DNAJC21: variants seen among roughly 807,000 people sequenced by gnomAD.
DNAJC21 encodes the protein DnaJ heat shock protein family (Hsp40) member C21.
DNAJC21 carries 63 observed loss-of-function variants against 72.4 expected under a neutral mutation model. The observed-to-expected ratio is 0.87, with a 90% CI of 0.71 to 1.07. The LOEUF (loss-of-function observed/expected upper bound fraction) is 1.07, where lower values mean the gene tolerates loss of function less well. DNAJC21 is among the 50% of genes least tolerant of loss of function. The probability of loss-of-function intolerance (pLI) is 0.00; values close to 1 mark genes in which losing one functional copy is unlikely to be tolerated. For synonymous variants in DNAJC21, 203 were observed against 216.7 expected, an observed-to-expected ratio of 0.94 and a Z score of 0.56; for missense variants, 634 against 644.8, an observed-to-expected ratio of 0.98 and a Z score of 0.18.
intron 2 of DNAJC21, 68 bp downstream of exon 2, chr5:34,933,976 G>A: frequency 2.8e-6 from 4 of 1,433,016 alleles, no homozygotes; most frequent in Non-Finnish European, 3.8e-6. Context: ...ATAGGTGGTT[G>A]TTTTTTCAAA....
chr5:34,940,876 C>G (rs1764963396), intron 6 of DNAJC21, among the ~76,000 whole-genome samples: 1 of 152,116 alleles, frequency 6.6e-6, no homozygotes, highest in African/African-American at 2.4e-5. Context: ...TGTTTTATAT[C>G]TTCTTCTAAG....
intron 7 of DNAJC21, among the ~76,000 whole-genome samples, chr5:34,943,152 GTATTTTTATCTAATT>G (rs1765054900): frequency 6.6e-6 from 1 of 151,958 alleles, no homozygotes; most frequent in Admixed American, 6.6e-5. Context: ...CATTGATATG[GTATTTTTATCTAATT>G]TACTACCTGC....
intron 4 of DNAJC21, among the ~76,000 whole-genome samples, chr5:34,936,652 C>T (rs1222134602): frequency 6.6e-6 from 1 of 152,198 alleles, no homozygotes; most frequent in South Asian, 2.1e-4. Context: ...GTTCTCGAAC[C>T]TATCCCATGA....
rs754533333 is a variant in DNAJC21 at position 34,941,102 on chromosome 5, A to G, written c.902A>G (p.Asp301Gly). The change falls in exon 7 of 12, where the codon GAC becomes GGC. Residue 301 changes from aspartate (D) to glycine (G), a missense_variant. Physicochemically the swap from Asp to Gly is moderately conservative, Grantham distance 94. Transcript: ENST00000648817. ...HELKDEEDGK[D>G]SDEAEDAELY... ...GTAGGCTTCCCTGTCATAGGTAAAGACAGTGATGAGGCCGAGGACGCTGAG... is the reference window on the plus strand; with the variant it reads ...GTAGGCTTCCCTGTCATAGGTAAAGGCAGTGATGAGGCCGAGGACGCTGAG... The G allele has an allele frequency of 6.2e-7, 1 of 1,613,732 alleles. No individual in the cohort carries two copies. The highest frequency in any genetic ancestry group is 2.2e-5 in the East Asian group (1 of 44,888).
intron 9 of DNAJC21, chr5:34,949,639 G>C: frequency 6.2e-7 from 1 of 1,612,044 alleles, no homozygotes; most frequent in South Asian, 1.1e-5. Context: ...TGGAGAGAGC[G>C]AGCACAAATG....
In DNAJC21 at chr5:34,954,598, C is replaced by T. The variant is rs141076061; in HGVS notation, c.1480C>T (p.Arg494Trp). 5.0e-6 allele frequency: 8 copies of T among 1,612,910 alleles called. No individual in the cohort carries two copies. In the African/African-American group the frequency reaches 5.3e-5, roughly 11 times the overall value. The change falls in exon 12 of 12, where the codon CGG (arginine) becomes TGG (tryptophan). Residue 494 changes from arginine (R) to tryptophan (W), a missense_variant. Arg to Trp is a moderately radical substitution (Grantham distance 101). Transcript: ENST00000648817. ...CTTCHSEFPS[R>W]NKLFDHLKAT... Reference sequence around the variant, plus strand: ...AACCTGCCATAGTGAATTTCCATCTCGGAATAAACTTTTTGACCATCTAAA... The same window carrying T: ...AACCTGCCATAGTGAATTTCCATCTTGGAATAAACTTTTTGACCATCTAAA...
rs954800512 is a variant in DNAJC21 at position 34,955,129 on chromosome 5, T to C, written c.*415T>C. 3 of 153,022 alleles carry C rather than the reference T, an allele frequency of 2.0e-5. No individual in the cohort carries two copies. Among genetic ancestry groups the C allele is most frequent in the African/African-American group, 7.2e-5 (3 of 41,462 alleles). The allele number at this position is 153,022 out of a possible 1,614,324, so 9.5% of individuals were successfully genotyped here. A position where few individuals can be genotyped will look rare whatever the true frequency, so the allele number is the denominator to read the frequency against. On this transcript the variant is annotated 3_prime_UTR_variant, in exon 12 of 12. Coordinates refer to ENST00000648817, the MANE Select transcript of DNAJC21 (RefSeq NM_001012339.3). ...CTTCATAATATGTGAAAAACTCGGA[T>C]CTTTTAAAAAGCATCATAGATCATT...
chr5:34,951,589 G>C, intron 10 of DNAJC21: 1 of 977,164 alleles, frequency 1.0e-6, no homozygotes, highest in Non-Finnish European at 1.2e-6. Context: ...GTACAGTGGC[G>C]CAACCTCGGC....
intron 10 of DNAJC21, chr5:34,952,124 T>TGTGC: frequency 3.2e-6 from 1 of 310,344 alleles, no homozygotes. Context: ...TTTTAAAAAA[T>TGTGC]GTGTGTGTGT....
chr5:34,929,649 C>G lies in DNAJC21; in HGVS notation c.-171C>G. ...GCCGCCACCGCGCGCCTTCACTGAC[C>G]TACACCACCGCCGCCGCCGCCGCCG... On this transcript the variant is annotated 5_prime_UTR_variant, in exon 1 of 12. Transcript: ENST00000648817. 1 of 164,786 alleles carries G rather than the reference C, an allele frequency of 6.1e-6. No individual in the cohort carries two copies. The highest frequency in any genetic ancestry group is 1.2e-5 in the Non-Finnish European group (1 of 80,316). 10.2% of individuals were successfully genotyped at this position (164,786 alleles called of 1,614,324 possible). A position where few individuals can be genotyped will look rare whatever the true frequency, so the allele number is the denominator to read the frequency against.
chr5:34,945,794 A>G lies in DNAJC21; in HGVS notation c.1176A>G (p.Lys392=). 1 of 1,590,012 alleles carries G rather than the reference A, an allele frequency of 6.3e-7. No individual in the cohort carries two copies. Among genetic ancestry groups the G allele is most frequent in the Non-Finnish European group, 8.5e-7 (1 of 1,170,984 alleles). The part of the protein sequence containing the change: ...LSKKQKKKKQ[K]PAQNYDDNFN... Reference sequence around the variant, plus strand: ...AAAAACAGAAGAAAAAGAAACAGAAACCAGCACAGGTATGTTAGAAAGGTT... The same window carrying G: ...AAAAACAGAAGAAAAAGAAACAGAAGCCAGCACAGGTATGTTAGAAAGGTT... Residue 392 remains lysine (K), a synonymous_variant, in exon 9 of 12, where the codon AAA becomes AAG. Transcript: ENST00000648817.
rs1764682827 is a variant in DNAJC21, at chr5:34,933,906, A to G, written c.189A>G (p.Ala63=). 5.0e-6 allele frequency: 8 copies of G among 1,613,410 alleles called. No homozygotes were observed. The highest frequency in any genetic ancestry group is 1.3e-5 in the African/African-American group (1 of 74,908). The change falls in exon 2 of 12, where the codon GCA becomes GCG. Residue 63 remains alanine, a splice_region_variant and synonymous_variant. Coordinates refer to ENST00000648817, the MANE Select transcript of DNAJC21 (RefSeq NM_001012339.3). The part of the protein sequence containing the change: ...YDVLSDPQER[A]WYDNHREALL... ...TGTTGAGTGACCCTCAGGAAAGAGC[A>G]TGGTGAGCATCACGCTGTCCTTCCC...
chr5:34,947,011 T>C (rs776913586), intron 9 of DNAJC21, among the ~76,000 whole-genome samples: 10 of 152,192 alleles, frequency 6.6e-5, no homozygotes, highest in Non-Finnish European at 1.0e-4. Context: ...ACACTTTTCC[T>C]GATATTTTCT....
chr5:34,950,496 T>G lies in DNAJC21; in HGVS notation c.1358+154T>G, dbSNP rs1000948707. 1.2e-5 allele frequency: 16 copies of G among 1,337,538 alleles called. No homozygotes were observed. In the African/African-American group the frequency reaches 1.9e-4, roughly 16 times the overall value. The allele number at this position is 1,337,538 out of a possible 1,614,324, so 82.9% of individuals were successfully genotyped here. ...ATGTATAGATACACACACACATATGTATACAGATGAAGAGCGTTGAGAAGA... is the reference window on the plus strand; with the variant it reads ...ATGTATAGATACACACACACATATGGATACAGATGAAGAGCGTTGAGAAGA... On this transcript the variant is annotated intron_variant, in intron 10 of 11. Coordinates refer to ENST00000648817, the MANE Select transcript of DNAJC21 (RefSeq NM_001012339.3).
At chr5:34,943,238 G>GT (rs1765058490) in intron 7 of DNAJC21, among the ~76,000 whole-genome samples, 1 of 152,180 alleles carries the variant, frequency 6.6e-6, no homozygotes, top group Non-Finnish European at 1.5e-5. Context: ...ACAGAATGCA[G>GT]TCTAAGAACA....
chr5:34,929,997 C>T, intron 1 of DNAJC21, 81 bp downstream of exon 1: 1 of 1,176,592 alleles, frequency 8.5e-7, no homozygotes, highest in African/African-American at 1.6e-5. Context: ...GGGCGGACTC[C>T]GCGGAGCCAG....
At position 34,955,044 on chromosome 5, in the gene DNAJC21, T is replaced by C. The variant is rs949659265; in HGVS notation, c.*330T>C. ...ATTTTAACACACAGAAGTGCAACTT[T>C]CTGCTTTATTTTCTGAATTTCACAT... On this transcript the variant is annotated 3_prime_UTR_variant, in exon 12 of 12. Coordinates refer to ENST00000648817, the MANE Select transcript of DNAJC21 (RefSeq NM_001012339.3). 26 of 169,308 alleles carry C rather than the reference T, an allele frequency of 1.5e-4. No individual in the cohort carries two copies. Among genetic ancestry groups the C allele is most frequent in the Non-Finnish European group, 8.8e-5 (7 of 79,522 alleles). The allele number at this position is 169,308 out of a possible 1,614,324, so 10.5% of individuals were successfully genotyped here. A position where few individuals can be genotyped will look rare whatever the true frequency, so the allele number is the denominator to read the frequency against.
At chr5:34,949,400 T>C (rs1012838822) in intron 9 of DNAJC21, 16 of 1,330,822 alleles carry the variant, frequency 1.2e-5, no homozygotes, top group African/African-American at 1.5e-5. Context: ...CAACATGTGA[T>C]CCTTGATTAC....
chr5:34,934,486 C>G (rs1360894216), intron 2 of DNAJC21, among the ~76,000 whole-genome samples: 1 of 151,832 alleles, frequency 6.6e-6, no homozygotes, highest in African/African-American at 2.4e-5. Context: ...CTGCCTTGAC[C>G]TCCCAAAGTG....
Sources: allele counts gnomAD v4.1 joint callset (sites outside exome capture counted in the v4.1 genomes callset), GRCh38; gene constraint gnomAD v4.1.1; transcripts MANE v1.5; gene names NCBI Gene and HGNC (gene_info 2026-07-23, HGNC 2026-07-21).